The following FBXL20 variants were observed in gnomAD, a reference collection of about 807,000 sequenced individuals.
The protein encoded by FBXL20 is F-box/LRR-repeat protein 20.
FBXL20 carries 11 observed loss-of-function variants against 64.0 expected under a neutral mutation model. That is an observed-to-expected ratio of 0.17 (90% CI 0.11 to 0.28). The LOEUF (loss-of-function observed/expected upper bound fraction) is 0.28, where lower values mean the gene tolerates loss of function less well. FBXL20 is among the 10% of genes least tolerant of loss of function. FBXL20 has a pLI of 1.00. For synonymous variants in FBXL20, 184 were observed against 189.0 expected, an observed-to-expected ratio of 0.97 and a Z score of 0.22; for missense variants, 303 against 526.2, an observed-to-expected ratio of 0.58 and a Z score of 4.15.
chr17:39,307,312 G>C (rs1392744279), intron 2 of FBXL20, among the ~76,000 whole-genome samples: 1 of 152,082 alleles, frequency 6.6e-6, no homozygotes, highest in Non-Finnish European at 1.5e-5. Flanking sequence ...ACATAAAGCT[G>C]AGTAATGTGA....
rs2046713357 is a variant in FBXL20 at position 39,258,367 on chromosome 17, A to C, written c.*3093T>G. 6.6e-6 allele frequency: 1 copy of C among 152,210 alleles called. No homozygotes were observed. The highest frequency in any genetic ancestry group is 6.5e-5 in the Admixed American group (1 of 15,276). 9.4% of individuals were successfully genotyped at this position (152,210 alleles called of 1,614,324 possible). On this transcript the variant is annotated 3_prime_UTR_variant, in exon 15 of 15. Transcript: ENST00000264658. Reference sequence around the variant, plus strand: ...CAGCTGGTGTAGGCTGCAAATCAGCATAAAAAAATGTATTTCCTTCCAAGC... The same window carrying C: ...CAGCTGGTGTAGGCTGCAAATCAGCCTAAAAAAATGTATTTCCTTCCAAGC...
chr17:39,269,496 CCT>C (rs1491442953), intron 11 of FBXL20, among the ~76,000 whole-genome samples: 4,291 of 128,232 alleles, frequency 0.033, 93 homozygotes, highest in African/African-American at 0.074. Flanking sequence ...CCCGGCCTTT[CCT>C]CTTTTTTTTT....
At chr17:39,351,261 G>A (rs990799640) in intron 1 of FBXL20, among the ~76,000 whole-genome samples, 3 of 151,580 alleles carry the variant, frequency 2.0e-5, no homozygotes, top group South Asian at 2.1e-4. Flanking sequence ...GCTCGAAACC[G>A]GGAGGGGGAG....
intron 1 of FBXL20, among the ~76,000 whole-genome samples, chr17:39,373,724 CCTA>C (rs1422912824): frequency 4.6e-5 from 7 of 152,136 alleles, no homozygotes; most frequent in African/African-American, 1.7e-4. Flanking sequence ...TTTTGTCTAG[CCTA>C]CTAGGCTGTA....
Position 39,401,561 on chromosome 17 carries a change from G to A in FBXL20, c.-159C>T. 1 of 1,414,602 alleles carries A rather than the reference G, an allele frequency of 7.1e-7. No homozygotes were observed. The allele number at this position is 1,414,602 out of a possible 1,614,324, so 87.6% of individuals were successfully genotyped here. On this transcript the variant is annotated 5_prime_UTR_variant, in exon 1 of 15. Transcript: ENST00000264658. ...ACAAGAGACCTCTCGGCTCCGGCTA[G>A]GCCTCCACCACCTCCCGCGGCGCCG...
chr17:39,401,508 G>A lies in FBXL20; in HGVS notation c.-106C>T. On this transcript the variant is annotated 5_prime_UTR_variant, in exon 1 of 15. Transcript: ENST00000264658. ...TCCGGGACGGGGACTGGGCGCCGGA[G>A]GGGTGACGCCGGGACCGTGGGACGG... 1 of 1,494,116 alleles carries A rather than the reference G, an allele frequency of 6.7e-7. No individual in the cohort carries two copies. Among genetic ancestry groups the A allele is most frequent in the South Asian group, 1.3e-5 (1 of 76,164 alleles). 92.6% of individuals were successfully genotyped at this position (1,494,116 alleles called of 1,614,324 possible).
intron 6 of FBXL20, among the ~76,000 whole-genome samples, chr17:39,294,952 G>C (rs544640693): frequency 1.3e-5 from 2 of 152,318 alleles, no homozygotes; most frequent in African/African-American, 4.8e-5. Context: ...CTGGGCAACA[G>C]GGCAAGACAT....
intron 9 of FBXL20, among the ~76,000 whole-genome samples, chr17:39,277,754 CAA>C (rs34095802): frequency 0.34 from 30,902 of 90,652 alleles, 3,731 homozygotes; most frequent in South Asian, 0.47. Flanking sequence ...AACTCCGTCT[CAA>C]AAAAAAAAAA....
intron 14 of FBXL20, among the ~76,000 whole-genome samples, chr17:39,262,525 C>T (rs2046755896): frequency 6.6e-6 from 1 of 152,032 alleles, no homozygotes; most frequent in African/African-American, 2.4e-5. Context: ...AGGTGATCCT[C>T]ATGCCTCAGC....
At position 39,401,476 on chromosome 17, in the gene FBXL20, CG is replaced by C; in HGVS notation, c.-75del. The C allele has an allele frequency of 1.3e-6, 2 of 1,525,640 alleles. No individual in the cohort carries two copies. The highest frequency in any genetic ancestry group is 1.8e-6 in the Non-Finnish European group (2 of 1,139,428). The allele number at this position is 1,525,640 out of a possible 1,614,324, so 94.5% of individuals were successfully genotyped here. A position where few individuals can be genotyped will look rare whatever the true frequency, so the allele number is the denominator to read the frequency against. Reference sequence around the variant, plus strand: ...ACAGACCGGGGGCCCAGGACAGGCCCGGGAGTTCCGGGACGGGGACTGGGCG... The same window carrying C: ...ACAGACCGGGGGCCCAGGACAGGCCCGGAGTTCCGGGACGGGGACTGGGCG... On this transcript the variant is annotated 5_prime_UTR_variant, in exon 1 of 15. Transcript: ENST00000264658.
At chr17:39,315,870 A>AGAGAGCGC (rs1267884348) in intron 2 of FBXL20, among the ~76,000 whole-genome samples, 6 of 139,318 alleles carry the variant, frequency 4.3e-5, no homozygotes, top group Non-Finnish European at 7.8e-5. Flanking sequence ...AGAGAGAGAG[A>AGAGAGCGC]GCAACTGTAG....
intron 1 of FBXL20, among the ~76,000 whole-genome samples, chr17:39,384,449 C>G (rs1322129193): frequency 6.6e-6 from 1 of 151,200 alleles, no homozygotes. Flanking sequence ...CGCTTCAACC[C>G]GGGAGGCAGA....
intron 1 of FBXL20, among the ~76,000 whole-genome samples, chr17:39,383,403 A>T (rs998164071): frequency 2.0e-5 from 3 of 151,986 alleles, no homozygotes; most frequent in Non-Finnish European, 4.4e-5. Context: ...GGAAGATCAA[A>T]TGAAGCCAGA....
At chr17:39,300,815 T>C (rs2047127568) in intron 4 of FBXL20, among the ~76,000 whole-genome samples, 186 bp downstream of exon 4, 1 of 152,182 alleles carries the variant, frequency 6.6e-6, no homozygotes, top group Admixed American at 6.6e-5. Flanking sequence ...TTCAGTGAAA[T>C]AATCTGGCTC....
intron 2 of FBXL20, among the ~76,000 whole-genome samples, chr17:39,306,525 C>A (rs1014491621): frequency 6.6e-6 from 1 of 152,126 alleles, no homozygotes. Context: ...CTTTTCCCCA[C>A]TGAATGGTCC....
chr17:39,330,160 G>A (rs9896394), intron 2 of FBXL20, among the ~76,000 whole-genome samples: 3,886 of 151,854 alleles, frequency 0.026, 158 homozygotes, highest in African/African-American at 0.087. Context: ...AGCCGGGCAT[G>A]ATGGTGGCTG....
At chr17:39,396,072 A>G (rs562176642) in intron 1 of FBXL20, among the ~76,000 whole-genome samples, 2,029 of 45,830 alleles carry the variant, frequency 0.044, 24 homozygotes, top group Middle Eastern at 0.11. Flanking sequence ...AGACTTTTCG[A>G]AAAAAAAAAA....
intron 1 of FBXL20, among the ~76,000 whole-genome samples, chr17:39,387,518 A>T (rs776604064): frequency 3.0e-4 from 45 of 150,912 alleles, no homozygotes; most frequent in Non-Finnish European, 5.6e-4. Context: ...ACCTCAGGTG[A>T]TCTGGCCGTC....
chr17:39,373,633 T>G (rs1260745365), intron 1 of FBXL20, among the ~76,000 whole-genome samples: 1 of 152,240 alleles, frequency 6.6e-6, no homozygotes, highest in Non-Finnish European at 1.5e-5. Context: ...TAGGTAGGCA[T>G]GTTCTTTTAT....
Sources: gnomAD v4.1 joint callset for allele counts (sites outside exome capture counted in the v4.1 genomes callset) on GRCh38, gnomAD v4.1.1 for gene constraint, MANE v1.5 for transcripts, NCBI Gene and HGNC (gene_info 2026-07-23, HGNC 2026-07-21) for gene names.